Variants in ZFAND3 observed in about 807,000 individuals in gnomAD.
ZFAND3 encodes zinc finger AN1-type containing 3.
Under a neutral mutation model 29.6 loss-of-function variants are expected in ZFAND3, and 10 were observed. The ratio of observed to expected loss-of-function variants is 0.34; its 90% confidence interval spans 0.21 to 0.57. The LOEUF (loss-of-function observed/expected upper bound fraction) is 0.57, where lower values mean the gene tolerates loss of function less well. Ranked by LOEUF, ZFAND3 falls within the 20% of genes least tolerant of loss-of-function variation. The pLI is 0.86. For synonymous variants in ZFAND3, 128 were observed against 112.6 expected, an observed-to-expected ratio of 1.14 and a Z score of -0.87; for missense variants, 230 against 304.5, an observed-to-expected ratio of 0.76 and a Z score of 1.82.
intron 1 of ZFAND3, among the ~76,000 whole-genome samples, chr6:37,844,362 A>G: frequency 6.6e-6 from 1 of 151,902 alleles, no homozygotes; most frequent in Admixed American, 6.6e-5. Context: ...GCTCACTGCA[A>G]GCTCCACCTC....
rs768739330 is a variant in ZFAND3 at position 38,152,383 on chromosome 6, C to T, written c.678C>T (p.Cys226=). 2.5e-6 allele frequency: 4 copies of T among 1,582,430 alleles called. No homozygotes were observed. Among genetic ancestry groups the T allele is most frequent in the South Asian group, 1.2e-5 (1 of 85,554 alleles). ...CCTGCCAGCGCATCGGGGAGGGGTG[C>T]TCCTGAAGGCCAGGCATGGCCACCA... ...GRSCQRIGEG[C]S is the part of the protein sequence containing the mutation. Residue 226 remains cysteine, a synonymous_variant, in exon 6 of 6, where the codon TGC becomes TGT. Transcript: ENST00000287218.
intron 3 of ZFAND3, among the ~76,000 whole-genome samples, chr6:38,074,264 C>T (rs957821378): frequency 6.6e-6 from 1 of 152,182 alleles, no homozygotes; most frequent in African/African-American, 2.4e-5. Context: ...ATCCAAGTAG[C>T]TTCCTTTAAG....
chr6:37,868,193 T>A (rs755602193), intron 1 of ZFAND3, among the ~76,000 whole-genome samples: 4 of 152,262 alleles, frequency 2.6e-5, no homozygotes, highest in Non-Finnish European at 5.9e-5. Flanking sequence ...GAAATGATGA[T>A]ATGGTTTTTC....
intron 2 of ZFAND3, among the ~76,000 whole-genome samples, chr6:38,016,226 C>T (rs982290713): frequency 5.9e-5 from 9 of 152,122 alleles, no homozygotes; most frequent in Non-Finnish European, 1.2e-4. Context: ...ATCAAACTTA[C>T]CTCTTAGAGG....
At chr6:38,062,355 A>G (rs55836194) in intron 3 of ZFAND3, 10,379 of 151,692 alleles carry the variant, frequency 0.068, 426 homozygotes, top group Non-Finnish European at 0.087. Context: ...TTGGAATGCT[A>G]TTATGTAGGT....
At chr6:37,962,485 T>C (rs1024822820) in intron 2 of ZFAND3, among the ~76,000 whole-genome samples, 16 of 152,110 alleles carry the variant, frequency 1.1e-4, no homozygotes, top group African/African-American at 1.7e-4. Flanking sequence ...TCCAAGTACA[T>C]GTGAGAGGTG....
rs550434669 is a variant in ZFAND3 at position 38,006,727 on chromosome 6, T to G, written c.113-54866T>G. 4.1e-4 allele frequency among the ~76,000 whole-genome samples: 62 copies of G among 151,526 alleles called. 1 individual carries two copies. Among genetic ancestry groups the G allele is most frequent in the African/African-American group, 1.4e-3 (59 of 41,284 alleles). The stretch of plus-strand genomic sequence containing the variant: ...TGGAGGGACGAAGAAATGGTGTGGA[T>G]TCTGTGAAATCACAGGATGTCTAAG... On this transcript the variant is annotated intron_variant, in intron 2 of 5. Transcript: ENST00000287218.
At chr6:37,865,110 G>A (rs923909194) in intron 1 of ZFAND3, among the ~76,000 whole-genome samples, 2 of 152,112 alleles carry the variant, frequency 1.3e-5, no homozygotes, top group Non-Finnish European at 2.9e-5. Context: ...CCTGGGAGGT[G>A]GAGGTTTCAG....
intron 2 of ZFAND3, among the ~76,000 whole-genome samples, chr6:38,044,190 G>C (rs916718407): frequency 3.3e-5 from 5 of 152,012 alleles, no homozygotes; most frequent in Non-Finnish European, 5.9e-5. Flanking sequence ...AGCTAATTTT[G>C]GTGTTTTTGT....
At chr6:37,981,713 A>G (rs1158906123) in intron 2 of ZFAND3, among the ~76,000 whole-genome samples, 1 of 152,106 alleles carries the variant, frequency 6.6e-6, no homozygotes, top group Admixed American at 6.5e-5. Flanking sequence ...TTTTCCTTGT[A>G]GAAGGTCAAC....
intron 2 of ZFAND3, among the ~76,000 whole-genome samples, chr6:38,004,567 G>T (rs1285353337): frequency 1.4e-5 from 2 of 142,470 alleles, no homozygotes; most frequent in Non-Finnish European, 3.0e-5. Context: ...ACACACGAAT[G>T]AATAAGTAGG....
intron 1 of ZFAND3, among the ~76,000 whole-genome samples, chr6:37,837,976 CG>C (rs1369074521): frequency 6.6e-6 from 1 of 152,098 alleles, no homozygotes; most frequent in African/African-American, 2.4e-5. Flanking sequence ...TGGAGGCCTT[CG>C]AGGTTGAAGC....
chr6:38,052,285 A>G (rs926194726), intron 2 of ZFAND3, among the ~76,000 whole-genome samples: 1 of 152,214 alleles, frequency 6.6e-6, no homozygotes, highest in African/African-American at 2.4e-5. Context: ...TGTTAGGACC[A>G]GTTATCCATG....
intron 5 of ZFAND3, among the ~76,000 whole-genome samples, chr6:38,127,502 T>A (rs575536359): frequency 5.9e-5 from 9 of 152,334 alleles, no homozygotes; most frequent in Admixed American, 5.2e-4. Context: ...CTCTTATTTT[T>A]AAACCAGTAT....
In ZFAND3 at chr6:38,041,687, C is replaced by CTTCTTCTT. The variant is rs1561976808; in HGVS notation, c.113-19906_113-19905insTTCTTCTT. On this transcript the variant is annotated intron_variant, in intron 2 of 5. Coordinates refer to ENST00000287218, the MANE Select transcript of ZFAND3 (RefSeq NM_021943.3). Reference sequence around the variant, plus strand: ...TTCTTCTTCTTCTTCTTCTTCTTCTCCTTCTCCTTCTCCTCCTCCTCCTCC... The same window carrying CTTCTTCTT: ...TTCTTCTTCTTCTTCTTCTTCTTCTCTTCTTCTTCTTCTCCTTCTCCTCCTCCTCCTCC... Among the ~76,000 whole-genome samples the CTTCTTCTT allele has an allele frequency of 6.4e-4, 11 of 17,234 alleles. 1 individual carries two copies. The highest frequency in any genetic ancestry group is 1.3e-3 in the African/African-American group (6 of 4,478). 11.3% of individuals were successfully genotyped at this position (17,234 alleles called of 152,430 possible). A position where few individuals can be genotyped will look rare whatever the true frequency, so the allele number is the denominator to read the frequency against.
intron 2 of ZFAND3, among the ~76,000 whole-genome samples, chr6:37,999,931 A>G (rs1762915609): frequency 6.6e-6 from 1 of 152,196 alleles, no homozygotes; most frequent in African/African-American, 2.4e-5. Flanking sequence ...GCTCCTGAGT[A>G]TATGGGAATT....
intron 4 of ZFAND3, among the ~76,000 whole-genome samples, chr6:38,110,543 C>A (rs114145057): frequency 6.6e-6 from 1 of 151,914 alleles, no homozygotes; most frequent in Non-Finnish European, 1.5e-5. Flanking sequence ...TTTAAGTGGT[C>A]GAAGGAGAAA....
chr6:37,959,789 A>C lies in ZFAND3; in HGVS notation c.112+29790A>C, dbSNP rs138913823. Among the ~76,000 whole-genome samples, 525 of 152,334 alleles carry C rather than the reference A, an allele frequency of 3.4e-3. 5 individuals are homozygous for C. The highest frequency in any genetic ancestry group is 0.012 in the African/African-American group (490 of 41,578). On this transcript the variant is annotated intron_variant, in intron 2 of 5. Transcript: ENST00000287218. The stretch of plus-strand genomic sequence containing the variant: ...CTAGATCCAGAATTAAATTAAGACT[A>C]AATAGAGGCTAGTTCCTCAGGCTTA...
Position 37,819,835 on chromosome 6 carries a change from C to CG in ZFAND3, c.-111_-110insG. 1.5e-6 allele frequency: 1 copy of CG among 649,002 alleles called. No individual in the cohort carries two copies. Among genetic ancestry groups the CG allele is most frequent in the Non-Finnish European group, 2.0e-6 (1 of 495,786 alleles). 40.2% of individuals were successfully genotyped at this position (649,002 alleles called of 1,614,324 possible). A position where few individuals can be genotyped will look rare whatever the true frequency, so the allele number is the denominator to read the frequency against. On this transcript the variant is annotated 5_prime_UTR_variant, in exon 1 of 6. Coordinates refer to ENST00000287218, the MANE Select transcript of ZFAND3 (RefSeq NM_021943.3). ...CCGCCCGCGCGCCCGCTCCTTCCCCCTCCCCCCGCCCCGAGCCCCCCGACG... is the reference window on the plus strand; with the variant it reads ...CCGCCCGCGCGCCCGCTCCTTCCCCCGTCCCCCCGCCCCGAGCCCCCCGACG...
Sources: gnomAD v4.1 joint callset for allele counts (sites outside exome capture counted in the v4.1 genomes callset) on GRCh38, gnomAD v4.1.1 for gene constraint, MANE v1.5 for transcripts, NCBI Gene and HGNC (gene_info 2026-07-23, HGNC 2026-07-21) for gene names.